NLGN1: variants seen among roughly 807,000 people sequenced by gnomAD.
NLGN1 encodes neuroligin-1.
Under a neutral mutation model 65.5 loss-of-function variants are expected in NLGN1, and 12 were observed. That is an observed-to-expected ratio of 0.18 (90% CI 0.12 to 0.30). The LOEUF is 0.30. Ranked by LOEUF, NLGN1 falls within the 10% of genes least tolerant of loss-of-function variation. The pLI is 1.00. For missense variants in NLGN1, 750 were observed against 1,007.1 expected (o/e 0.74, Z 3.46); for synonymous variants, 350 against 359.5 (o/e 0.97, Z 0.30).
chr3:173,545,317 A>G (rs1739604761), intron 2 of NLGN1, among the ~76,000 whole-genome samples: 1 of 152,000 alleles, frequency 6.6e-6, no homozygotes, highest in African/African-American at 2.4e-5. Flanking sequence ...CAGGTGATCC[A>G]CCCACCTAGA....
chr3:173,787,341 T>C (rs568652790), intron 3 of NLGN1, among the ~76,000 whole-genome samples: 1 of 152,236 alleles, frequency 6.6e-6, no homozygotes, highest in Admixed American at 6.5e-5. Flanking sequence ...CATGGCTGTT[T>C]ATCTAAATGT....
chr3:173,494,520 A>G (rs1729699982), intron 2 of NLGN1, among the ~76,000 whole-genome samples: 1 of 151,536 alleles, frequency 6.6e-6, no homozygotes, highest in Non-Finnish European at 1.5e-5. Context: ...GTGTTTTTCA[A>G]AGATTAGAAT....
intron 4 of NLGN1, among the ~76,000 whole-genome samples, chr3:173,994,377 G>A (rs1254181472): frequency 2.7e-5 from 4 of 147,646 alleles, no homozygotes; most frequent in South Asian, 2.2e-4. Flanking sequence ...TAACAGGCAC[G>A]AGCCACTGTG....
At chr3:174,270,012 T>C (rs138402823) in intron 4 of NLGN1, among the ~76,000 whole-genome samples, 6 of 151,876 alleles carry the variant, frequency 4.0e-5, no homozygotes, top group Non-Finnish European at 7.4e-5. Context: ...ATTTTTTAAT[T>C]AGGTTATTTG....
At chr3:173,802,090 T>G (rs1715563424) in intron 3 of NLGN1, among the ~76,000 whole-genome samples, 1 of 152,198 alleles carries the variant, frequency 6.6e-6, no homozygotes, top group Admixed American at 6.5e-5. Flanking sequence ...GGCAAAGGGT[T>G]AAAATACATT....
intron 4 of NLGN1, among the ~76,000 whole-genome samples, chr3:173,966,610 C>T (rs1010847949): frequency 5.3e-5 from 8 of 152,142 alleles, no homozygotes; most frequent in African/African-American, 7.2e-5. Flanking sequence ...TGACTCCATC[C>T]GCCTTGGATT....
chr3:173,708,231 T>C (rs1189535794), intron 3 of NLGN1, among the ~76,000 whole-genome samples: 1 of 152,176 alleles, frequency 6.6e-6, no homozygotes, highest in Non-Finnish European at 1.5e-5. Flanking sequence ...TAAATATACT[T>C]TTATAATGAC....
chr3:173,795,759 A>G (rs1713908435), intron 3 of NLGN1, among the ~76,000 whole-genome samples: 1 of 152,136 alleles, frequency 6.6e-6, no homozygotes, highest in East Asian at 1.9e-4. Flanking sequence ...TTCAAGTTTT[A>G]TAAACTAAAT....
chr3:173,503,633 A>C (rs1335944781), intron 2 of NLGN1, among the ~76,000 whole-genome samples: 1 of 152,070 alleles, frequency 6.6e-6, no homozygotes, highest in African/African-American at 2.4e-5. Flanking sequence ...TACAGACCAG[A>C]CATCCCTAGT....
At chr3:174,278,396 G>T (rs542214312) in intron 5 of NLGN1, among the ~76,000 whole-genome samples, 1 of 151,882 alleles carries the variant, frequency 6.6e-6, no homozygotes, top group Non-Finnish European at 1.5e-5. Context: ...AATAACATCT[G>T]TTTAAAACAA....
chr3:173,565,834 A>T (rs1743564728), intron 2 of NLGN1, among the ~76,000 whole-genome samples: 1 of 150,738 alleles, frequency 6.6e-6, no homozygotes, highest in Non-Finnish European at 1.5e-5. Context: ...ATTAGAATGA[A>T]AATTTTATTA....
rs142584025 is a variant in NLGN1 at position 173,542,876 on chromosome 3, C to T, written c.-320-61403C>T. On this transcript the variant is annotated intron_variant, in intron 2 of 6. Coordinates refer to ENST00000457714, the Ensembl canonical transcript of NLGN1. ...TTTTCAATTCTCAGTAACTATAGAA[C>T]GTATCCTTTTATCTAAATAGTTGTA... Among the ~76,000 whole-genome samples the T allele has an allele frequency of 1.0e-3, 157 of 152,182 alleles. 1 individual carries two copies. Among genetic ancestry groups the T allele is most frequent in the African/African-American group, 3.1e-3 (129 of 41,574 alleles).
intron 3 of NLGN1, among the ~76,000 whole-genome samples, chr3:173,723,355 TC>T (rs1283329365): frequency 6.6e-6 from 1 of 152,220 alleles, no homozygotes; most frequent in African/African-American, 2.4e-5. Context: ...CACAATACTT[TC>T]TAATCACATA....
chr3:173,440,435 A>T (rs556698316), intron 2 of NLGN1, among the ~76,000 whole-genome samples: 2 of 152,320 alleles, frequency 1.3e-5, no homozygotes, highest in African/African-American at 4.8e-5. Context: ...CAGATCCATT[A>T]GAGAAATCAC....
chr3:173,464,769 T>C (rs1317425352), intron 2 of NLGN1, among the ~76,000 whole-genome samples: 1 of 152,184 alleles, frequency 6.6e-6, no homozygotes, highest in East Asian at 1.9e-4. Context: ...AAGGAGTTAA[T>C]GAACAAAATA....
At chr3:174,163,588 C>T (rs187338208) in intron 4 of NLGN1, among the ~76,000 whole-genome samples, 50 of 152,096 alleles carry the variant, frequency 3.3e-4, no homozygotes, top group African/African-American at 1.0e-3. Flanking sequence ...CCTCCCTCCC[C>T]GCAACTTCCA....
chr3:174,211,020 G>A (rs544307458), intron 4 of NLGN1, among the ~76,000 whole-genome samples: 2 of 152,268 alleles, frequency 1.3e-5, no homozygotes, highest in South Asian at 4.1e-4. Context: ...CGCGTCTGGA[G>A]TCTGTCCCTT....
intron 2 of NLGN1, among the ~76,000 whole-genome samples, chr3:173,448,960 T>C (rs1023854961): frequency 5.3e-5 from 8 of 152,182 alleles, no homozygotes; most frequent in Admixed American, 4.6e-4. Context: ...TCTTTTCTTC[T>C]TTATTAGTCT....
At chr3:173,596,764 G>A (rs182437898) in intron 2 of NLGN1, among the ~76,000 whole-genome samples, 1 of 152,248 alleles carries the variant, frequency 6.6e-6, no homozygotes, top group East Asian at 1.9e-4. Flanking sequence ...CTTCAACTTT[G>A]ATATTCTCAT....
Sources: allele counts gnomAD v4.1 joint callset (sites outside exome capture counted in the v4.1 genomes callset), GRCh38; gene constraint gnomAD v4.1.1; transcripts MANE v1.5; gene names NCBI Gene and HGNC (gene_info 2026-07-23, HGNC 2026-07-21).